Variants in FBXL17 observed in about 807,000 individuals in gnomAD.
The protein encoded by FBXL17 is F-box and leucine rich repeat protein 17.
FBXL17 carries 22 observed loss-of-function variants against 66.2 expected under a neutral mutation model. The observed-to-expected ratio is 0.33, with a 90% CI of 0.24 to 0.47. The LOEUF is 0.47. FBXL17 is among the 20% of genes least tolerant of loss of function. The pLI is 1.00. For synonymous variants in FBXL17, 474 were observed against 400.5 expected, an observed-to-expected ratio of 1.18 and a Z score of -2.19; for missense variants, 878 against 948.2, an observed-to-expected ratio of 0.93 and a Z score of 0.97.
intron 7 of FBXL17, among the ~76,000 whole-genome samples, chr5:107,898,669 T>G (rs1394801077): frequency 6.6e-6 from 1 of 152,040 alleles, no homozygotes; most frequent in Non-Finnish European, 1.5e-5. Flanking sequence ...CCCTCCCTGT[T>G]TCCATGTGTT....
In FBXL17 at chr5:108,370,171, T is replaced by C. The variant is rs575771396; in HGVS notation, c.994-2218A>G. 2.6e-5 allele frequency among the ~76,000 whole-genome samples: 4 copies of C among 152,332 alleles called. No individual in the cohort carries two copies. In the South Asian group the frequency reaches 6.2e-4, roughly 24 times the overall value. On this transcript the variant is annotated intron_variant, in intron 1 of 8. Coordinates refer to ENST00000542267, the MANE Select transcript of FBXL17 (RefSeq NM_001163315.3). ...ATGGGGAGAACATGCAAACTCTACATAGACAGTGGGCCCAGCTACGAATTG... is the reference window on the plus strand; with the variant it reads ...ATGGGGAGAACATGCAAACTCTACACAGACAGTGGGCCCAGCTACGAATTG...
intron 4 of FBXL17, among the ~76,000 whole-genome samples, chr5:108,342,464 A>G (rs982537914): frequency 6.6e-6 from 1 of 152,124 alleles, no homozygotes; most frequent in Non-Finnish European, 1.5e-5. Context: ...ATGATTTTCT[A>G]CTCATGCTAA....
chr5:107,884,025 G>C (rs1351536852), intron 7 of FBXL17, among the ~76,000 whole-genome samples: 1 of 152,132 alleles, frequency 6.6e-6, no homozygotes, highest in East Asian at 1.9e-4. Flanking sequence ...ACAAGAAAGT[G>C]GGAAGACTCA....
At chr5:108,302,252 T>C (rs1758624535) in intron 4 of FBXL17, among the ~76,000 whole-genome samples, 1 of 151,812 alleles carries the variant, frequency 6.6e-6, no homozygotes, top group South Asian at 2.1e-4. Flanking sequence ...TAGTCAAAAA[T>C]ACTTCCATGA....
chr5:108,012,041 C>T (rs1754197122), intron 7 of FBXL17, among the ~76,000 whole-genome samples: 1 of 152,226 alleles, frequency 6.6e-6, no homozygotes, highest in East Asian at 1.9e-4. Flanking sequence ...AAAATTACTA[C>T]TTAAATAAAG....
chr5:108,035,360 CGTTT>C (rs1055950254), intron 6 of FBXL17, among the ~76,000 whole-genome samples: 13 of 151,578 alleles, frequency 8.6e-5, no homozygotes, highest in East Asian at 3.9e-4. Context: ...ATTTTTTGTT[CGTTT>C]GTTTGTTTTT....
At chr5:107,954,030 A>G (rs116356916) in intron 7 of FBXL17, among the ~76,000 whole-genome samples, 1,849 of 152,336 alleles carry the variant, frequency 0.012, 21 homozygotes, top group Non-Finnish European at 0.02. Flanking sequence ...GTACTCAATA[A>G]ATTCTCACTG....
chr5:107,864,099 T>C (rs1447765325), intron 8 of FBXL17, among the ~76,000 whole-genome samples: 2 of 152,232 alleles, frequency 1.3e-5, no homozygotes, highest in Non-Finnish European at 2.9e-5. Flanking sequence ...AGGATAAAAG[T>C]ACATATCATA....
intron 6 of FBXL17, among the ~76,000 whole-genome samples, chr5:108,091,212 C>T (rs1431990274): frequency 6.6e-6 from 1 of 152,200 alleles, no homozygotes; most frequent in Non-Finnish European, 1.5e-5. Context: ...AAAGCTGAGG[C>T]TAATGACATG....
At chr5:108,293,858 T>G (rs1440161918) in intron 4 of FBXL17, among the ~76,000 whole-genome samples, 1 of 151,646 alleles carries the variant, frequency 6.6e-6, no homozygotes, top group Non-Finnish European at 1.5e-5. Flanking sequence ...CTGGCCAACG[T>G]GGTGAAACCC....
chr5:108,031,522 G>GAA (rs1164920367), intron 6 of FBXL17, among the ~76,000 whole-genome samples: 1 of 152,038 alleles, frequency 6.6e-6, no homozygotes, highest in African/African-American at 2.4e-5. Context: ...ATGTTCAAAA[G>GAA]AAGCTACAAA....
intron 4 of FBXL17, among the ~76,000 whole-genome samples, chr5:108,328,103 C>A (rs1165621643): frequency 6.6e-6 from 1 of 152,146 alleles, no homozygotes; most frequent in Non-Finnish European, 1.5e-5. Flanking sequence ...TGAGGATAAA[C>A]ACCAAGAAGT....
At chr5:108,302,111 G>A in intron 4 of FBXL17, 6 of 768,302 alleles carry the variant, frequency 7.8e-6, no homozygotes, top group Non-Finnish European at 9.5e-6. Context: ...ATTGGTCAAG[G>A]CTACTTTTTC....
intron 6 of FBXL17, among the ~76,000 whole-genome samples, chr5:108,078,275 T>C (rs925397640): frequency 6.6e-6 from 1 of 152,228 alleles, no homozygotes; most frequent in Non-Finnish European, 1.5e-5. Context: ...TTGCTGTTTT[T>C]TGCTTATCTC....
intron 4 of FBXL17, among the ~76,000 whole-genome samples, chr5:108,238,151 T>C (rs900763235): frequency 7.9e-5 from 12 of 152,236 alleles, no homozygotes; most frequent in Admixed American, 7.2e-4. Flanking sequence ...ACTTGTCACA[T>C]AACAGCTAAA....
chr5:108,016,285 AGTCCACGGG>A (rs895739544), intron 7 of FBXL17, among the ~76,000 whole-genome samples: 8 of 152,210 alleles, frequency 5.3e-5, no homozygotes, highest in African/African-American at 1.9e-4. Flanking sequence ...TCAGGAGAGC[AGTCCACGGG>A]TCTGTGGAAA....
At chr5:108,236,499 C>G (rs1302917829) in intron 4 of FBXL17, among the ~76,000 whole-genome samples, 1 of 150,154 alleles carries the variant, frequency 6.7e-6, no homozygotes, top group East Asian at 2.0e-4. Context: ...GGTGACAGAG[C>G]AAGACTCTGT....
At chr5:107,899,037 C>T (rs918633387) in intron 7 of FBXL17, among the ~76,000 whole-genome samples, 21 of 152,150 alleles carry the variant, frequency 1.4e-4, no homozygotes, top group African/African-American at 4.8e-4. Context: ...TGAGGAATTG[C>T]CATACTGACT....
intron 4 of FBXL17, among the ~76,000 whole-genome samples, chr5:108,263,285 T>C (rs1453931190): frequency 1.3e-5 from 2 of 151,876 alleles, no homozygotes; most frequent in South Asian, 2.1e-4. Flanking sequence ...AAAATTAAAT[T>C]GAAAATAAAA....
Sources: allele counts gnomAD v4.1 joint callset (sites outside exome capture counted in the v4.1 genomes callset), GRCh38; gene constraint gnomAD v4.1.1; transcripts MANE v1.5; gene names NCBI Gene and HGNC (gene_info 2026-07-23, HGNC 2026-07-21).